AKR1E2: variants seen among roughly 807,000 people sequenced by gnomAD.
AKR1E2 encodes aldo-keto reductase family 1 member E2.
Under a neutral mutation model 41.9 loss-of-function variants are expected in AKR1E2, and 43 were observed. The ratio of observed to expected loss-of-function variants is 1.03; its 90% CI spans 0.80 to 1.32. AKR1E2 has a LOEUF of 1.32. AKR1E2 is among the 40% of genes most tolerant of loss of function. AKR1E2 has a pLI of 0.00. For missense variants in AKR1E2, 423 were observed against 396.5 expected (o/e 1.07, Z -0.57); for synonymous variants, 121 against 138.9 (o/e 0.87, Z 0.91).
intron 1 of AKR1E2, among the ~76,000 whole-genome samples, chr10:4,829,451 T>G (rs1832795251): frequency 6.6e-6 from 1 of 152,188 alleles, no homozygotes; most frequent in Non-Finnish European, 1.5e-5. Flanking sequence ...CTTTTAATAT[T>G]TTTGTCTGAT....
chr10:4,828,611 T>G (rs1017834951), intron 1 of AKR1E2, among the ~76,000 whole-genome samples: 2 of 152,158 alleles, frequency 1.3e-5, no homozygotes, highest in Middle Eastern at 3.2e-3. Context: ...TTTATTGGGG[T>G]TTTGATTGGA....
At chr10:4,842,761 C>T (rs1023266857) in intron 8 of AKR1E2, among the ~76,000 whole-genome samples, 1 of 152,168 alleles carries the variant, frequency 6.6e-6, no homozygotes, top group African/African-American at 2.4e-5. Flanking sequence ...GGAAGAGCAT[C>T]TTGTTGGGAT....
chr10:4,848,532 C>A (rs1078062), downstream of AKR1E2, among the ~76,000 whole-genome samples: 4 of 152,166 alleles, frequency 2.6e-5, no homozygotes, highest in African/African-American at 7.2e-5. Flanking sequence ...ACTCACAGGC[C>A]CTTGGCTCCT....
chr10:4,844,185 C>T (rs975705932), intron 8 of AKR1E2, among the ~76,000 whole-genome samples: 2 of 152,078 alleles, frequency 1.3e-5, no homozygotes, highest in Admixed American at 6.5e-5. Flanking sequence ...TTTCTTCCTT[C>T]TGGTGGGTTC....
At chr10:4,855,190 C>A in the AKR1E2 span, among the ~76,000 whole-genome samples, 1 of 152,188 alleles carries the variant, frequency 6.6e-6, no homozygotes, top group African/African-American at 2.4e-5. Flanking sequence ...TTCACCATCC[C>A]TGCAAATGGG....
At chr10:4,870,416 A>G in the AKR1E2 span, among the ~76,000 whole-genome samples, 1 of 151,376 alleles carries the variant, frequency 6.6e-6, no homozygotes, top group Admixed American at 6.6e-5. Context: ...ACAAGGTTCT[A>G]TTTTTTTTCC....
intron 8 of AKR1E2, chr10:4,845,938 G>A: frequency 4.4e-6 from 2 of 452,458 alleles, no homozygotes. Flanking sequence ...GTCAGGAGGA[G>A]GTGGGAGCCA....
chr10:4,865,504 G>C, the AKR1E2 span, among the ~76,000 whole-genome samples: 5 of 152,092 alleles, frequency 3.3e-5, no homozygotes, highest in African/African-American at 1.2e-4. Context: ...GTAATTTTCA[G>C]AAGAAGAAAA....
At chr10:4,870,945 T>C in the AKR1E2 span, among the ~76,000 whole-genome samples, 1 of 152,162 alleles carries the variant, frequency 6.6e-6, no homozygotes, top group Non-Finnish European at 1.5e-5. Context: ...TTGTTATAGT[T>C]CTACAAGTCC....
At chr10:4,871,837 T>G in the AKR1E2 span, 4 of 152,310 alleles carry the variant, frequency 2.6e-5, no homozygotes, top group African/African-American at 9.6e-5. Context: ...ATCCATGAGA[T>G]ATTCTCTATT....
At chr10:4,833,618 T>A in intron 3 of AKR1E2, 152 bp downstream of exon 3, 4 of 701,534 alleles carry the variant, frequency 5.7e-6, no homozygotes, top group Non-Finnish European at 1.0e-5. Context: ...ATTTGGGCAG[T>A]CCTCTTGATA....
Position 4,833,479 on chromosome 10 carries a change from AG to A in AKR1E2, c.324+15del. 1 of 1,606,130 alleles carries A rather than the reference AG, an allele frequency of 6.2e-7. No individual in the cohort carries two copies. Among genetic ancestry groups the A allele is most frequent in the Non-Finnish European group, 8.5e-7 (1 of 1,172,694 alleles). On this transcript the variant is annotated intron_variant, in intron 3 of 9. Coordinates refer to ENST00000298375, the MANE Select transcript of AKR1E2 (RefSeq NM_001040177.3). ...CATGGGTTTCAAGGTACCGTTCAGT[AG>A]GTAGTTCGTTCTGCAGTTTGCAGGA...
chr10:4,852,752 T>C (rs1171437689), downstream of AKR1E2, among the ~76,000 whole-genome samples: 4 of 152,230 alleles, frequency 2.6e-5, no homozygotes, highest in Non-Finnish European at 5.9e-5. Context: ...GTTTTTGTTC[T>C]AAAAATATTT....
chr10:4,842,590 G>A lies in AKR1E2; in HGVS notation c.837+86G>A. On this transcript the variant is annotated intron_variant, in intron 8 of 9. Transcript: ENST00000298375. Reference sequence around the variant, plus strand: ...GACTGCTGTAGCATACAGCCTCAGGGTTGCGGAGCTTGATGCAACAGGGGC... The same window carrying A: ...GACTGCTGTAGCATACAGCCTCAGGATTGCGGAGCTTGATGCAACAGGGGC... The A allele has an allele frequency of 3.1e-6, 4 of 1,281,688 alleles. No homozygotes were observed. The South Asian group carries it at 3.8e-5, about 12-fold the overall frequency. The allele number at this position is 1,281,688 out of a possible 1,614,324, so 79.4% of individuals were successfully genotyped here. A position where few individuals can be genotyped will look rare whatever the true frequency, so the allele number is the denominator to read the frequency against.
intron 1 of AKR1E2, among the ~76,000 whole-genome samples, chr10:4,827,337 G>A (rs768368040): frequency 1.3e-4 from 18 of 141,736 alleles, no homozygotes; most frequent in Non-Finnish European, 6.5e-5. Flanking sequence ...GAAATGTCTT[G>A]TTATTTTGAA....
the AKR1E2 span, among the ~76,000 whole-genome samples, chr10:4,860,456 C>G: frequency 1.3e-4 from 20 of 152,268 alleles, no homozygotes; most frequent in South Asian, 3.9e-3. Context: ...CTCTGAGGAA[C>G]CTTTATGACC....
intron 6 of AKR1E2, among the ~76,000 whole-genome samples, 179 bp downstream of exon 6, chr10:4,840,005 T>C (rs1370040157): frequency 6.6e-6 from 1 of 152,076 alleles, no homozygotes; most frequent in Non-Finnish European, 1.5e-5. Context: ...TGGTTTATTA[T>C]TGGAAGCCAG....
At chr10:4,826,780 A>G (rs1487928280) in intron 1 of AKR1E2, among the ~76,000 whole-genome samples, 5 of 152,100 alleles carry the variant, frequency 3.3e-5, no homozygotes, top group Non-Finnish European at 7.4e-5. Context: ...CAGCAAAGAG[A>G]GAAAGAAAAG....
the AKR1E2 span, among the ~76,000 whole-genome samples, chr10:4,862,236 G>A: frequency 6.6e-6 from 1 of 152,182 alleles, no homozygotes; most frequent in Non-Finnish European, 1.5e-5. Flanking sequence ...AGATCAGATA[G>A]TTGTAGATGT....
Sources: gnomAD v4.1 joint callset for allele counts (sites outside exome capture counted in the v4.1 genomes callset) on GRCh38, gnomAD v4.1.1 for gene constraint, MANE v1.5 for transcripts, NCBI Gene and HGNC (gene_info 2026-07-23, HGNC 2026-07-21) for gene names.